VEGFD: variants seen among roughly 807,000 people sequenced by gnomAD.
The protein encoded by VEGFD is c-fos induced growth factor (vascular endothelial growth factor D).
Under a neutral mutation model 28.0 loss-of-function variants are expected in VEGFD, and 26 were observed. That is an observed-to-expected ratio of 0.93 (90% CI 0.68 to 1.29). The LOEUF is 1.29. Among genes scored for constraint, VEGFD ranks in the 50% most tolerant of loss-of-function variants. The pLI is 0.00. For missense variants in VEGFD, 294 were observed against 273.4 expected, an observed-to-expected ratio of 1.08 and a Z score of -0.53; for synonymous variants, 93 against 95.5, an observed-to-expected ratio of 0.97 and a Z score of 0.15.
In VEGFD at chrX:15,347,147, C is replaced by A. The variant is rs764590735; in HGVS notation, c.938+17G>T. ...TTAAATGTCATGAGTAAAGGCAAGACAACTCAAGGCATTTACCTGCAGGTG... is the reference window on the plus strand; with the variant it reads ...TTAAATGTCATGAGTAAAGGCAAGAAAACTCAAGGCATTTACCTGCAGGTG... On this transcript the variant is annotated intron_variant, in intron 6 of 6. Transcript: ENST00000297904. 8.4e-7 allele frequency: 1 copy of A among 1,191,003 alleles called. No individual in the cohort carries two copies. The highest frequency in any genetic ancestry group is 1.1e-6 in the Non-Finnish European group (1 of 882,086).
chrX:15,351,473 C>T (rs1786707689), intron 5 of VEGFD, among the ~76,000 whole-genome samples: 1 of 111,407 alleles, frequency 9.0e-6, no homozygotes, highest in African/African-American at 3.3e-5. Context: ...TCTCGGCCTC[C>T]CAAAGTGCTA....
chrX:15,355,033 A>G (rs915943225), intron 4 of VEGFD, 117 bp downstream of exon 4: 2 of 647,448 alleles, frequency 3.1e-6, no homozygotes, highest in African/African-American at 4.6e-5. Flanking sequence ...AAGCTAAAAT[A>G]TGAATAATTT....
intron 2 of VEGFD, among the ~76,000 whole-genome samples, chrX:15,358,835 C>CA (rs1407877202): frequency 9.0e-6 from 1 of 111,659 alleles, no homozygotes. Flanking sequence ...TTGAAGGTAA[C>CA]AAAAAAAGAA....
At chrX:15,359,879 G>A (rs971400202) in intron 2 of VEGFD, among the ~76,000 whole-genome samples, 1 of 112,143 alleles carries the variant, frequency 8.9e-6, no homozygotes, top group Admixed American at 9.5e-5. Flanking sequence ...AGCCTCCAGA[G>A]ACATCTGAAG....
intron 3 of VEGFD, among the ~76,000 whole-genome samples, chrX:15,355,504 C>T (rs896415058): frequency 7.2e-5 from 8 of 111,717 alleles, no homozygotes; most frequent in African/African-American, 2.6e-4. Flanking sequence ...CATTGATACT[C>T]TTGTAAAATG....
intron 2 of VEGFD, among the ~76,000 whole-genome samples, 186 bp downstream of exon 2, chrX:15,362,923 T>C (rs1196210618): frequency 1.8e-5 from 2 of 112,209 alleles, no homozygotes; most frequent in Non-Finnish European, 3.8e-5. Context: ...CAAAATCATA[T>C]TGAATATATT....
chrX:15,380,427 T>C (rs1923541454), intron 1 of VEGFD, among the ~76,000 whole-genome samples: 1 of 112,779 alleles, frequency 8.9e-6, no homozygotes, highest in Non-Finnish European at 1.9e-5. Flanking sequence ...CTGATTCTAG[T>C]CTTACACAGA....
chrX:15,381,995 A>G (rs952659211), intron 1 of VEGFD, among the ~76,000 whole-genome samples: 2 of 66,933 alleles, frequency 3.0e-5, no homozygotes, highest in African/African-American at 1.4e-4. Flanking sequence ...CAACAAATTT[A>G]TATATTAACA....
intron 2 of VEGFD, among the ~76,000 whole-genome samples, chrX:15,358,405 T>C (rs1922920980): frequency 1.8e-5 from 2 of 112,021 alleles, no homozygotes; most frequent in Admixed American, 9.5e-5. Flanking sequence ...ATACCATACC[T>C]TGTAGAATAT....
Position 15,346,042 on chromosome X carries a change from T to C in VEGFD, c.*91A>G. ...GTGGTGCTGTGTAAAATGGATTTTTTTTTTAACACCTGGGAAAAAAACAGT... is the reference window on the plus strand; with the variant it reads ...GTGGTGCTGTGTAAAATGGATTTTTCTTTTAACACCTGGGAAAAAAACAGT... On this transcript the variant is annotated 3_prime_UTR_variant, in exon 7 of 7. Transcript: ENST00000297904. The C allele has an allele frequency of 4.6e-6, 5 of 1,087,020 alleles. No homozygotes were observed. Among genetic ancestry groups the C allele is most frequent in the Non-Finnish European group, 6.2e-6 (5 of 805,235 alleles). 89.6% of individuals were successfully genotyped at this position (1,087,020 alleles called of 1,213,427 possible).
chrX:15,364,619 C>T (rs895778668), intron 1 of VEGFD, among the ~76,000 whole-genome samples: 23 of 111,369 alleles, frequency 2.1e-4, no homozygotes, highest in Non-Finnish European at 3.8e-4. Flanking sequence ...CTCTTGCTGA[C>T]CCGGTAGTTA....
Position 15,362,567 on chromosome X carries a change from C to T in VEGFD, c.301+542G>A, listed in dbSNP as rs148150417. On this transcript the variant is annotated intron_variant, in intron 2 of 6. Transcript: ENST00000297904. ...AAGTAGCTGGGAATACAGGCACGTA[C>T]CACAATGTTCAGCTATTTTTTTCTA... Among the ~76,000 whole-genome samples the T allele has an allele frequency of 4.3e-3, 480 of 110,621 alleles. 4 individuals carry two copies. Among genetic ancestry groups the T allele is most frequent in the African/African-American group, 0.015 (467 of 30,373 alleles).
intron 2 of VEGFD, among the ~76,000 whole-genome samples, chrX:15,359,780 C>T (rs1922964498): frequency 8.9e-6 from 1 of 111,732 alleles, no homozygotes; most frequent in South Asian, 3.7e-4. Context: ...GAATTGAGTC[C>T]TGCAAACAAC....
chrX:15,382,086 C>T (rs1049896690), intron 1 of VEGFD, among the ~76,000 whole-genome samples: 1 of 111,359 alleles, frequency 9.0e-6, no homozygotes, highest in African/African-American at 3.3e-5. Context: ...TATGGGAGGC[C>T]AAGGCGGGCA....
intron 1 of VEGFD, among the ~76,000 whole-genome samples, chrX:15,369,415 C>A (rs1473835230): frequency 9.1e-6 from 1 of 110,449 alleles, no homozygotes; most frequent in African/African-American, 3.3e-5. Flanking sequence ...AGTGGGGAAT[C>A]TGGCAAATAA....
chrX:15,363,375 A>G, intron 1 of VEGFD, 56 bp from the exon 2 acceptor site: 3 of 982,177 alleles, frequency 3.1e-6, no homozygotes, highest in Non-Finnish European at 4.2e-6. Flanking sequence ...TAAATTTGTC[A>G]TAATAATCTT....
intron 1 of VEGFD, among the ~76,000 whole-genome samples, chrX:15,364,899 A>G (rs1923108528): frequency 8.9e-6 from 1 of 112,417 alleles, no homozygotes; most frequent in Non-Finnish European, 1.9e-5. Context: ...ATGCATTAGC[A>G]TTTTAGGAGG....
intron 1 of VEGFD, among the ~76,000 whole-genome samples, chrX:15,377,907 CTG>C (rs1192291993): frequency 8.9e-6 from 1 of 111,786 alleles, no homozygotes; most frequent in Admixed American, 9.5e-5. Flanking sequence ...AAATAAGTCT[CTG>C]TTGTTTATGA....
At chrX:15,354,827 T>A in intron 4 of VEGFD, among the ~76,000 whole-genome samples, 1 of 111,639 alleles carries the variant, frequency 9.0e-6, no homozygotes, top group Middle Eastern at 4.6e-3. Context: ...TATTTAATGC[T>A]TGTTCTGGAA....
Sources: allele counts gnomAD v4.1 joint callset (sites outside exome capture counted in the v4.1 genomes callset), GRCh38; gene constraint gnomAD v4.1.1; transcripts MANE v1.5; gene names NCBI Gene and HGNC (gene_info 2026-07-23, HGNC 2026-07-21).